MLLT3: variants seen among roughly 807,000 people sequenced by gnomAD.
The protein encoded by MLLT3 is MLLT3 super elongation complex subunit.
MLLT3 carries 4 observed loss-of-function variants against 53.2 expected under a neutral mutation model. The observed-to-expected ratio is 0.08, with a 90% CI of 0.04 to 0.17. MLLT3 has a LOEUF of 0.17. Ranked by LOEUF, MLLT3 falls within the 10% of genes least tolerant of loss-of-function variation. MLLT3 has a pLI of 1.00. For missense variants in MLLT3, 569 were observed against 684.0 expected (o/e 0.83, Z 1.87); for synonymous variants, 283 against 230.6 (o/e 1.23, Z -2.06).
chr9:20,451,255 C>T (rs75163384), intron 3 of MLLT3, among the ~76,000 whole-genome samples: 16,423 of 152,106 alleles, frequency 0.11, 2,538 homozygotes, highest in African/African-American at 0.34. Flanking sequence ...ACCAAATAGT[C>T]AACAATCATT....
At chr9:20,351,633 G>A (rs538131048) in intron 10 of MLLT3, among the ~76,000 whole-genome samples, 7 of 152,260 alleles carry the variant, frequency 4.6e-5, no homozygotes, top group Admixed American at 2.6e-4. Context: ...AAATAAAATC[G>A]TCAGGCCAGA....
chr9:20,518,825 T>C (rs183108427), intron 2 of MLLT3, among the ~76,000 whole-genome samples: 3 of 152,206 alleles, frequency 2.0e-5, no homozygotes, highest in African/African-American at 7.2e-5. Context: ...AAAAGAATTT[T>C]CAAAAATATC....
chr9:20,458,188 T>A (rs1824019140), intron 2 of MLLT3, among the ~76,000 whole-genome samples: 1 of 152,160 alleles, frequency 6.6e-6, no homozygotes, highest in African/African-American at 2.4e-5. Context: ...TTTCCTTTTA[T>A]CCTCCCAAAA....
chr9:20,353,459 C>T (rs1394095407), intron 10 of MLLT3, 66 bp downstream of exon 10: 11 of 1,360,028 alleles, frequency 8.1e-6, no homozygotes, highest in South Asian at 1.2e-5. Context: ...GGTGCTATCA[C>T]ACTACTGCAG....
At chr9:20,435,741 G>C (rs926379212) in intron 4 of MLLT3, among the ~76,000 whole-genome samples, 1 of 152,118 alleles carries the variant, frequency 6.6e-6, no homozygotes, top group Non-Finnish European at 1.5e-5. Flanking sequence ...AAAGAAATTA[G>C]TTTTGTATAG....
At chr9:20,473,820 C>T (rs1824454342) in intron 2 of MLLT3, among the ~76,000 whole-genome samples, 1 of 152,044 alleles carries the variant, frequency 6.6e-6, no homozygotes, top group Non-Finnish European at 1.5e-5. Flanking sequence ...CAAAGCCTGG[C>T]TCATATACAA....
chr9:20,441,797 TTTTC>T (rs1297709491), intron 4 of MLLT3, among the ~76,000 whole-genome samples: 4 of 152,174 alleles, frequency 2.6e-5, no homozygotes, highest in African/African-American at 2.4e-5. Flanking sequence ...CTCTGTATTA[TTTTC>T]TTTGAGTCAT....
intron 4 of MLLT3, among the ~76,000 whole-genome samples, chr9:20,426,692 T>A (rs1297159499): frequency 6.6e-6 from 1 of 152,120 alleles, no homozygotes; most frequent in Non-Finnish European, 1.5e-5. Flanking sequence ...TCGTCTAATT[T>A]GGGCAATATG....
chr9:20,545,009 C>T (rs1818748099), intron 2 of MLLT3, among the ~76,000 whole-genome samples: 1 of 139,932 alleles, frequency 7.1e-6, no homozygotes, highest in South Asian at 2.4e-4. Context: ...GTAGAAGGGC[C>T]ATTTGAACAC....
intron 5 of MLLT3, chr9:20,411,009 C>CTAA (rs1226263575): frequency 6.6e-6 from 1 of 152,210 alleles, no homozygotes; most frequent in Admixed American, 6.5e-5. Flanking sequence ...TCATATTCAA[C>CTAA]TAATAAAGCT....
At chr9:20,557,063 C>T (rs974741724) in intron 2 of MLLT3, among the ~76,000 whole-genome samples, 1 of 152,104 alleles carries the variant, frequency 6.6e-6, no homozygotes, top group African/African-American at 2.4e-5. Flanking sequence ...AACAACAGCT[C>T]CTCGGTTTGC....
chr9:20,445,060 C>T (rs1399388574), intron 4 of MLLT3, among the ~76,000 whole-genome samples: 1 of 151,766 alleles, frequency 6.6e-6, no homozygotes, highest in African/African-American at 2.4e-5. Flanking sequence ...CACTGCACTC[C>T]AGCCTGGGCA....
intron 9 of MLLT3, among the ~76,000 whole-genome samples, 187 bp from the exon 10 acceptor site, chr9:20,353,783 T>C (rs530013526): frequency 6.6e-6 from 1 of 152,332 alleles, no homozygotes; most frequent in Admixed American, 6.5e-5. Flanking sequence ...GGACCAGTCA[T>C]TACCTTTATC....
chr9:20,420,427 C>T (rs945784370), intron 4 of MLLT3, among the ~76,000 whole-genome samples: 83 of 152,028 alleles, frequency 5.5e-4, no homozygotes, highest in African/African-American at 1.9e-3. Flanking sequence ...CAGCTAAATG[C>T]CCCCAAAAGA....
At position 20,401,970 on chromosome 9, in the gene MLLT3, T is replaced by C. The variant is rs115069201; in HGVS notation, c.1125+11751A>G. Among the ~76,000 whole-genome samples, 1,312 of 152,266 alleles carry C rather than the reference T, an allele frequency of 8.6e-3. 17 individuals carry two copies. The highest frequency in any genetic ancestry group is 0.031 in the African/African-American group (1,269 of 41,540). ...TCCAGTTGGTAGCTTTTGAGAATAG[T>C]TGGCGTTGAAGAAGATGTAAAAAAT... is the stretch of plus-strand genomic sequence containing the variant. On this transcript the variant is annotated intron_variant, in intron 5 of 10. Coordinates refer to ENST00000380338, the MANE Select transcript of MLLT3 (RefSeq NM_004529.4).
At chr9:20,499,996 C>T in intron 2 of MLLT3, among the ~76,000 whole-genome samples, 1 of 152,184 alleles carries the variant, frequency 6.6e-6, no homozygotes, top group East Asian at 1.9e-4. Context: ...CCTTCAATAC[C>T]ACCTAACAGA....
At chr9:20,618,883 T>C (rs1165026087) in intron 2 of MLLT3, among the ~76,000 whole-genome samples, 2 of 152,120 alleles carry the variant, frequency 1.3e-5, no homozygotes, top group African/African-American at 4.8e-5. Flanking sequence ...TCAAGGTGCC[T>C]AAACAAAGTT....
Position 20,621,745 on chromosome 9 carries a change from TCA to T in MLLT3, c.12+498_12+499del. 6.7e-7 allele frequency: 1 copy of T among 1,490,766 alleles called. No individual in the cohort carries two copies. The highest frequency in any genetic ancestry group is 8.9e-7 in the Non-Finnish European group (1 of 1,128,010). 92.3% of individuals were successfully genotyped at this position (1,490,766 alleles called of 1,614,324 possible). A position where few individuals can be genotyped will look rare whatever the true frequency, so the allele number is the denominator to read the frequency against. On this transcript the variant is annotated intron_variant, in intron 1 of 10. Coordinates refer to ENST00000380338, the MANE Select transcript of MLLT3 (RefSeq NM_004529.4). The surrounding 1 kb of genome is among the most constrained non-coding windows in gnomAD (Gnocchi z 7.0). Reference sequence around the variant, plus strand: ...CGCTGTCAGCCCCGCACACTTCGGCTCACACACGCGCGCCGCGGAGAACGCAC... The same window carrying T: ...CGCTGTCAGCCCCGCACACTTCGGCTCACACGCGCGCCGCGGAGAACGCAC...
In MLLT3 at chr9:20,535,537, C is replaced by T. The variant is rs548479098; in HGVS notation, c.194-78751G>A. Among the ~76,000 whole-genome samples the T allele has an allele frequency of 9.9e-5, 15 of 151,952 alleles. No individual in the cohort carries two copies. In the South Asian group the frequency reaches 1.5e-3, roughly 15 times the overall value. ...ATAGAAACCAAGAAAAAAGGAAATG[C>T]GCAACCAAAAAAATCAATCATAAAA... On this transcript the variant is annotated intron_variant, in intron 2 of 10. Transcript: ENST00000380338.
Sources: allele counts gnomAD v4.1 joint callset (sites outside exome capture counted in the v4.1 genomes callset), GRCh38; gene constraint gnomAD v4.1.1; non-coding constraint Gnocchi (gnomAD v3.1); transcripts MANE v1.5; gene names NCBI Gene and HGNC (gene_info 2026-07-23, HGNC 2026-07-21).